The following EEIG2 variants were observed in gnomAD, a reference collection of about 807,000 sequenced individuals.
EEIG2 encodes the protein family with sequence similarity 102 member B.
chr1:108,560,247 C>T, the EEIG2 span: 16 of 197,282 alleles, frequency 8.1e-5, no homozygotes, highest in African/African-American at 3.4e-4. Context: ...GCGTTCCGGC[C>T]CAGGCTGCCG....
the EEIG2 span, among the ~76,000 whole-genome samples, chr1:108,615,840 A>T: frequency 6.6e-6 from 1 of 151,970 alleles, no homozygotes; most frequent in African/African-American, 2.4e-5. Context: ...AACAAAGGTC[A>T]GAAGCTTTTT....
chr1:108,638,925 A>G, the EEIG2 span: 3 of 152,232 alleles, frequency 2.0e-5, no homozygotes, highest in Non-Finnish European at 4.4e-5. Flanking sequence ...CAAAATTTTT[A>G]ATTTACACAA....
chr1:108,598,228 G>A, the EEIG2 span, among the ~76,000 whole-genome samples: 1 of 151,134 alleles, frequency 6.6e-6, no homozygotes, highest in East Asian at 2.0e-4. Context: ...CTACTGTTCA[G>A]TAGGCTGAGG....
the EEIG2 span, chr1:108,626,671 C>T: frequency 6.6e-6 from 1 of 152,186 alleles, no homozygotes; most frequent in East Asian, 1.9e-4. Context: ...TTCTTAAAGC[C>T]ACTGAACTGT....
the EEIG2 span, among the ~76,000 whole-genome samples, chr1:108,602,351 C>A: frequency 6.6e-6 from 1 of 152,160 alleles, no homozygotes; most frequent in Non-Finnish European, 1.5e-5. Flanking sequence ...GGGCCATGCT[C>A]CCTCTGGAAG....
At chr1:108,603,316 C>T in the EEIG2 span, among the ~76,000 whole-genome samples, 1 of 152,162 alleles carries the variant, frequency 6.6e-6, no homozygotes, top group East Asian at 1.9e-4. Flanking sequence ...CTTAACAGGT[C>T]TAAAGGAACA....
the EEIG2 span, chr1:108,635,036 G>A: frequency 1.3e-6 from 2 of 1,506,600 alleles, no homozygotes; most frequent in Non-Finnish European, 1.8e-6. Flanking sequence ...TCTCTCCAGG[G>A]GTAAGGTTAC....
the EEIG2 span, among the ~76,000 whole-genome samples, chr1:108,612,738 A>G: frequency 6.6e-6 from 1 of 152,244 alleles, no homozygotes; most frequent in African/African-American, 2.4e-5. Flanking sequence ...TCCAAGTACC[A>G]TCAGGAGCTA....
chr1:108,582,865 G>C, the EEIG2 span, among the ~76,000 whole-genome samples: 1 of 151,146 alleles, frequency 6.6e-6, no homozygotes, highest in African/African-American at 2.5e-5. Flanking sequence ...ATATTTGGGG[G>C]ATGCAGTGAA....
At chr1:108,562,711 C>G in the EEIG2 span, among the ~76,000 whole-genome samples, 1 of 152,166 alleles carries the variant, frequency 6.6e-6, no homozygotes, top group Non-Finnish European at 1.5e-5. Context: ...TAAACAGTGC[C>G]TTAGCACCCA....
the EEIG2 span, among the ~76,000 whole-genome samples, chr1:108,632,055 G>A: frequency 0.14 from 20,160 of 148,156 alleles, 2,009 homozygotes; most frequent in African/African-American, 0.28. Context: ...TGGAGGCTGC[G>A]GTGAGCCAAG....
chr1:108,610,964 G>A, the EEIG2 span, among the ~76,000 whole-genome samples: 2 of 152,008 alleles, frequency 1.3e-5, no homozygotes, highest in African/African-American at 4.8e-5. Context: ...AAAAAAGAGA[G>A]GCAATAAGAC....
At chr1:108,601,287 C>CGT in the EEIG2 span, among the ~76,000 whole-genome samples, 3 of 150,188 alleles carry the variant, frequency 2.0e-5, no homozygotes, top group Admixed American at 6.6e-5. Flanking sequence ...TGTGTTTGTG[C>CGT]GTGTGTGTGT....
the EEIG2 span, chr1:108,612,035 G>A: frequency 3.2e-4 from 159 of 496,420 alleles, no homozygotes; most frequent in Non-Finnish European, 5.3e-4. Context: ...GCAAATAATA[G>A]AACAGGTATT....
At chr1:108,563,524 T>C in the EEIG2 span, among the ~76,000 whole-genome samples, 1 of 152,334 alleles carries the variant, frequency 6.6e-6, no homozygotes, top group East Asian at 1.9e-4. Flanking sequence ...AATACTCATC[T>C]TGCTACAGAA....
the EEIG2 span, among the ~76,000 whole-genome samples, chr1:108,561,793 T>G: frequency 2.5e-3 from 379 of 152,362 alleles, 4 homozygotes; most frequent in African/African-American, 8.8e-3. Context: ...CATCTCTTAC[T>G]TGTTGAAAAG....
At chr1:108,564,857 G>T in the EEIG2 span, among the ~76,000 whole-genome samples, 1 of 152,034 alleles carries the variant, frequency 6.6e-6, no homozygotes, top group African/African-American at 2.4e-5. Context: ...TGAGGTAGGA[G>T]GATCGCTTGA....
the EEIG2 span, among the ~76,000 whole-genome samples, chr1:108,589,625 C>T: frequency 6.6e-6 from 1 of 151,994 alleles, no homozygotes; most frequent in African/African-American, 2.4e-5. Flanking sequence ...GTGTTAGCCT[C>T]CTTTGCCTGT....
the EEIG2 span, among the ~76,000 whole-genome samples, chr1:108,579,650 C>T: frequency 6.6e-6 from 1 of 151,706 alleles, no homozygotes; most frequent in African/African-American, 2.4e-5. Flanking sequence ...TTTTTCAGCA[C>T]CACACCACAC....
Sources: gnomAD v4.1 joint callset for allele counts (sites outside exome capture counted in the v4.1 genomes callset) on GRCh38, gnomAD v4.1.1 for gene constraint, MANE v1.5 for transcripts, NCBI Gene and HGNC (gene_info 2026-07-23, HGNC 2026-07-21) for gene names.